Variants in DAZL observed in about 807,000 individuals in gnomAD.
DAZL encodes deleted in azoospermia-like.
DAZL carries 4 observed loss-of-function variants against 45.0 expected under a neutral mutation model. The observed-to-expected ratio is 0.09, with a 90% CI of 0.04 to 0.20. The LOEUF is 0.20. Among genes scored for constraint, DAZL ranks in the 10% least tolerant of loss-of-function variants. The pLI, the probability that DAZL is intolerant of heterozygous loss-of-function variation, is 1.00. For missense variants in DAZL, 326 were observed against 351.3 expected (o/e 0.93, Z 0.58); for synonymous variants, 122 against 112.4 (o/e 1.09, Z -0.54).
chr3:16,602,790 T>A (rs1312480483), intron 1 of DAZL, among the ~76,000 whole-genome samples: 6 of 152,200 alleles, frequency 3.9e-5, no homozygotes, highest in Non-Finnish European at 7.3e-5. Flanking sequence ...TTATTTTCTA[T>A]CAATCTAATT....
rs375205101 is a variant in DAZL at position 16,592,173 on chromosome 3, T to C, written c.736-25A>G. 9.5e-4 allele frequency: 1,535 copies of C among 1,608,724 alleles called. 1 individual carries two copies. Among genetic ancestry groups the C allele is most frequent in the Non-Finnish European group, 1.3e-3 (1,487 of 1,176,708 alleles). Reference sequence around the variant, plus strand: ...TCTGAAACACAGAAGTTTTCAGTAATGTAAAGACGACTCTTTCACTCACTC... The same window carrying C: ...TCTGAAACACAGAAGTTTTCAGTAACGTAAAGACGACTCTTTCACTCACTC... On this transcript the variant is annotated intron_variant, in intron 9 of 10. Coordinates refer to ENST00000399444, the MANE Select transcript of DAZL (RefSeq NM_001351.4).
chr3:16,596,895 T>TGG lies in DAZL; in HGVS notation c.359-7_359-6insCC. On this transcript the variant is annotated splice_region_variant and splice_polypyrimidine_tract_variant and intron_variant, in intron 5 of 10. Transcript: ENST00000399444. Reference sequence around the variant, plus strand: ...TGGCTGCACATGATAAGCACCTTTTTGAAAAGCAAAAAGAAAAGGCCTATT... The same window carrying TGG: ...TGGCTGCACATGATAAGCACCTTTTTGGGAAAAGCAAAAAGAAAAGGCCTATT... The TGG allele has an allele frequency of 6.2e-7, 1 of 1,613,812 alleles. No homozygotes were observed. The highest frequency in any genetic ancestry group is 2.2e-5 in the East Asian group (1 of 44,856).
Position 16,588,607 on chromosome 3 carries a change from A to C in DAZL, c.*53T>G. 1 of 1,382,798 alleles carries C rather than the reference A, an allele frequency of 7.2e-7. No individual in the cohort carries two copies. Among genetic ancestry groups the C allele is most frequent in the Non-Finnish European group, 1.0e-6 (1 of 969,430 alleles). 85.7% of individuals were successfully genotyped at this position (1,382,798 alleles called of 1,614,324 possible). On this transcript the variant is annotated 3_prime_UTR_variant, in exon 11 of 11. Coordinates refer to ENST00000399444, the MANE Select transcript of DAZL (RefSeq NM_001351.4). Reference sequence around the variant, plus strand: ...ATTTCTATAATAGTGGAAACCTTTTAGCTTAATATTCAAAACCAGCAACTT... The same window carrying C: ...ATTTCTATAATAGTGGAAACCTTTTCGCTTAATATTCAAAACCAGCAACTT...
intron 10 of DAZL, 117 bp from the exon 11 acceptor site, chr3:16,588,830 G>A: frequency 1.3e-6 from 1 of 783,804 alleles, no homozygotes; most frequent in Non-Finnish European, 2.2e-6. Context: ...TATAAATAAT[G>A]AGAAAAAAGA....
At chr3:16,599,871 G>A (rs935828737) in intron 1 of DAZL, among the ~76,000 whole-genome samples, 4 of 152,140 alleles carry the variant, frequency 2.6e-5, no homozygotes, top group Non-Finnish European at 5.9e-5. Context: ...CCACTTACTT[G>A]CCAGCCGTGT....
chr3:16,597,806 C>G (rs1694623281), intron 3 of DAZL, among the ~76,000 whole-genome samples: 1 of 152,086 alleles, frequency 6.6e-6, no homozygotes, highest in Admixed American at 6.5e-5. Flanking sequence ...AACTTACTAT[C>G]TAAGACAAGG....
At chr3:16,590,820 G>C (rs1349282638) in intron 10 of DAZL, among the ~76,000 whole-genome samples, 1 of 151,932 alleles carries the variant, frequency 6.6e-6, no homozygotes, top group Non-Finnish European at 1.5e-5. Context: ...AAAATCCTTA[G>C]AGAAAGTAAG....
intron 8 of DAZL, 65 bp from the exon 9 acceptor site, chr3:16,593,833 C>T: frequency 1.0e-6 from 1 of 996,092 alleles, no homozygotes; most frequent in Non-Finnish European, 1.5e-6. Context: ...GCCACTTATT[C>T]TTCAAAAAGC....
At chr3:16,598,940 C>T (rs562919868) in intron 1 of DAZL, among the ~76,000 whole-genome samples, 44 of 152,028 alleles carry the variant, frequency 2.9e-4, no homozygotes, top group East Asian at 1.9e-3. Context: ...CCCGACACCA[C>T]GCCCGGCTAA....
chr3:16,595,934 A>T (rs747988522), intron 6 of DAZL, among the ~76,000 whole-genome samples: 3 of 152,034 alleles, frequency 2.0e-5, no homozygotes, highest in Non-Finnish European at 4.4e-5. Context: ...GAAAACATAT[A>T]GGTGGCAGCA....
At chr3:16,593,860 G>A in intron 8 of DAZL, 92 bp from the exon 9 acceptor site, 1 of 771,734 alleles carries the variant, frequency 1.3e-6, no homozygotes, top group Non-Finnish European at 2.1e-6. Context: ...GGTATCAAAA[G>A]TTTCAATGTA....
chr3:16,597,972 G>C (rs1694625871), intron 3 of DAZL, 115 bp downstream of exon 3: 1 of 1,147,448 alleles, frequency 8.7e-7, no homozygotes, highest in Admixed American at 2.3e-5. Context: ...TCCTCTACAT[G>C]AAAGAAATTA....
chr3:16,591,296 CTCTG>C (rs1157749758), intron 10 of DAZL, among the ~76,000 whole-genome samples: 1 of 152,114 alleles, frequency 6.6e-6, no homozygotes, highest in African/African-American at 2.4e-5. Flanking sequence ...ACTTTACCAA[CTCTG>C]TCTGAATCAA....
intron 1 of DAZL, among the ~76,000 whole-genome samples, chr3:16,599,725 A>G (rs1694654946): frequency 6.6e-6 from 1 of 152,206 alleles, no homozygotes; most frequent in African/African-American, 2.4e-5. Flanking sequence ...AGTAGACTCT[A>G]AGGCTAATGT....
intron 1 of DAZL, among the ~76,000 whole-genome samples, chr3:16,603,334 C>G (rs1694721236): frequency 6.7e-6 from 1 of 149,608 alleles, no homozygotes; most frequent in Non-Finnish European, 1.5e-5. Flanking sequence ...GATATTTACA[C>G]AAGGATATTC....
chr3:16,598,256 ATG>A, intron 2 of DAZL, 78 bp from the exon 3 acceptor site: 2 of 1,437,358 alleles, frequency 1.4e-6, no homozygotes, highest in Non-Finnish European at 1.9e-6. Flanking sequence ...AGGTTCGATG[ATG>A]TGACAATTTC....
chr3:16,588,897 T>C (rs1009526169), intron 10 of DAZL, among the ~76,000 whole-genome samples, 184 bp from the exon 11 acceptor site: 3 of 152,066 alleles, frequency 2.0e-5, no homozygotes, highest in Non-Finnish European at 4.4e-5. Flanking sequence ...CCAGGATGGC[T>C]AGTTTTATTA....
intron 9 of DAZL, 77 bp from the exon 10 acceptor site, chr3:16,592,225 T>C: frequency 6.4e-7 from 1 of 1,555,196 alleles, no homozygotes. Context: ...TTTGATAGTT[T>C]AATGAATATA....
chr3:16,597,634 A>G, intron 3 of DAZL, 93 bp from the exon 4 acceptor site: 1 of 799,464 alleles, frequency 1.3e-6, no homozygotes, highest in East Asian at 2.5e-5. Context: ...TGACTAAAAT[A>G]TGAATAATAT....
Sources: allele counts gnomAD v4.1 joint callset (sites outside exome capture counted in the v4.1 genomes callset), GRCh38; gene constraint gnomAD v4.1.1; transcripts MANE v1.5; gene names NCBI Gene and HGNC (gene_info 2026-07-23, HGNC 2026-07-21).